The following GNPAT variants were observed in gnomAD, a reference collection of about 807,000 sequenced individuals.
GNPAT encodes the protein glyceronephosphate O-acyltransferase.
In GNPAT, 30 loss-of-function variants were observed where a neutral mutation model predicts 78.4. That is an observed-to-expected ratio of 0.38 (90% CI 0.29 to 0.52). The LOEUF is 0.52. Ranked by LOEUF, GNPAT falls within the 20% of genes least tolerant of loss-of-function variation. GNPAT has a pLI of 0.84. For missense variants in GNPAT, 714 were observed against 812.2 expected (o/e 0.88, Z 1.47); for synonymous variants, 271 against 281.1 (o/e 0.96, Z 0.36).
intron 2 of GNPAT, among the ~76,000 whole-genome samples, chr1:231,251,988 T>TAG (rs1392569238): frequency 6.6e-6 from 1 of 152,162 alleles, no homozygotes; most frequent in Non-Finnish European, 1.5e-5. Context: ...GAAATAAGCC[T>TAG]AGAGAGGTAA....
At chr1:231,245,514 T>A (rs1349112174) in intron 1 of GNPAT, among the ~76,000 whole-genome samples, 2 of 152,130 alleles carry the variant, frequency 1.3e-5, no homozygotes, top group Non-Finnish European at 2.9e-5. Context: ...GCCTCCCAGA[T>A]CACTGGGATT....
At chr1:231,268,634 G>A (rs992315529) in intron 9 of GNPAT, among the ~76,000 whole-genome samples, 7 of 150,242 alleles carry the variant, frequency 4.7e-5, no homozygotes, top group South Asian at 2.1e-4. Context: ...AAGGCCGGGC[G>A]TGGTGGCTCA....
At chr1:231,263,912 T>A (rs1430918972) in intron 4 of GNPAT, among the ~76,000 whole-genome samples, 1 of 152,204 alleles carries the variant, frequency 6.6e-6, no homozygotes, top group Non-Finnish European at 1.5e-5. Context: ...TCTGTTCAAG[T>A]CCGTTATTTT....
Position 231,254,015 on chromosome 1 carries a change from G to C in GNPAT, c.261+2872G>C, listed in dbSNP as rs1290437523. 2.6e-5 allele frequency among the ~76,000 whole-genome samples: 4 copies of C among 152,264 alleles called. No homozygotes were observed. The South Asian group carries it at 6.2e-4, about 24-fold the overall frequency. On this transcript the variant is annotated intron_variant, in intron 2 of 15. Coordinates refer to ENST00000366647, the MANE Select transcript of GNPAT (RefSeq NM_014236.4). ...TTTAGTAGAGACAGGGTTTCATCAT[G>C]TTGGCCAGGCTGGTCTCAAACTCCT...
chr1:231,249,931 C>G (rs1215656426), intron 1 of GNPAT, among the ~76,000 whole-genome samples: 5 of 151,914 alleles, frequency 3.3e-5, no homozygotes, highest in African/African-American at 7.3e-5. Context: ...AGCTGAATGG[C>G]AGGGGCTGAA....
At chr1:231,264,551 C>G (rs1434199296) in intron 4 of GNPAT, among the ~76,000 whole-genome samples, 1 of 152,184 alleles carries the variant, frequency 6.6e-6, no homozygotes, top group African/African-American at 2.4e-5. Flanking sequence ...AAGGTTAAAA[C>G]TGCCAAGAAC....
chr1:231,266,039 A>T lies in GNPAT; in HGVS notation c.798A>T (p.Pro266=), dbSNP rs371142386. ...GTCTTCTGAATATTGTGATGGAGCCATTTTTTAAAAGAGAAGTTTTTGATA... is the reference window on the plus strand; with the variant it reads ...GTCTTCTGAATATTGTGATGGAGCCTTTTTTTAAAAGAGAAGTTTTTGATA... The part of the protein sequence containing the change: ...KFGLLNIVME[P]FFKREVFDTY... Residue 266 remains proline (P), a synonymous_variant, in exon 7 of 16, where the codon CCA becomes CCT. Coordinates refer to ENST00000366647, the MANE Select transcript of GNPAT (RefSeq NM_014236.4). 6.2e-7 allele frequency: 1 copy of T among 1,612,894 alleles called. No individual in the cohort carries two copies. Among genetic ancestry groups the T allele is most frequent in the Non-Finnish European group, 8.5e-7 (1 of 1,179,306 alleles).
At chr1:231,248,686 G>A (rs1684814910) in intron 1 of GNPAT, among the ~76,000 whole-genome samples, 1 of 152,172 alleles carries the variant, frequency 6.6e-6, no homozygotes, top group African/African-American at 2.4e-5. Context: ...CACACACAGA[G>A]TCACATGATG....
chr1:231,265,226 T>C (rs958782716), intron 4 of GNPAT, 67 bp from the exon 5 acceptor site: 33 of 1,087,608 alleles, frequency 3.0e-5, no homozygotes, highest in Non-Finnish European at 4.6e-5. Flanking sequence ...AAAATAAGCA[T>C]GTTTAAGTTT....
In GNPAT at chr1:231,275,200, C is replaced by T. The variant is rs1460242586; in HGVS notation, c.1744-21C>T. On this transcript the variant is annotated intron_variant, in intron 12 of 15. Coordinates refer to ENST00000366647, the MANE Select transcript of GNPAT (RefSeq NM_014236.4). ...ATCCTTTTTCTCTTTCTGTTCCCCT[C>T]ATCCTTCCTCTTAAAATCAGATAAT... The T allele has an allele frequency of 2.9e-6, 4 of 1,395,532 alleles. No individual in the cohort carries two copies. The African/African-American group carries it at 5.7e-5, about 20-fold the overall frequency. 86.4% of individuals were successfully genotyped at this position (1,395,532 alleles called of 1,614,324 possible).
At chr1:231,249,446 C>T (rs1684833359) in intron 1 of GNPAT, among the ~76,000 whole-genome samples, 1 of 152,202 alleles carries the variant, frequency 6.6e-6, no homozygotes, top group Admixed American at 6.5e-5. Context: ...ATTACCTCAA[C>T]ATTTCATCTT....
At chr1:231,276,015 G>A (rs552464348) in intron 14 of GNPAT, 120 bp from the exon 15 acceptor site, 12 of 658,716 alleles carry the variant, frequency 1.8e-5, no homozygotes, top group Middle Eastern at 2.7e-4. Flanking sequence ...GACTACTTAG[G>A]CCCAGCCTTG....
intron 1 of GNPAT, among the ~76,000 whole-genome samples, chr1:231,243,966 T>C (rs1684685547): frequency 6.6e-6 from 1 of 152,010 alleles, no homozygotes; most frequent in Non-Finnish European, 1.5e-5. Context: ...TGGAGTGTAA[T>C]GGCACAATCT....
At position 231,251,163 on chromosome 1, in the gene GNPAT, A is replaced by G. The variant is rs1185737391; in HGVS notation, c.261+20A>G. On this transcript the variant is annotated intron_variant, in intron 2 of 15. Transcript: ENST00000366647. ...AAACAGGTAAGTGATTCCCTCTTCA[A>G]CCATGGCCAGATTTGTTCATTGTCA... The G allele has an allele frequency of 6.9e-7, 1 of 1,454,594 alleles. No homozygotes were observed. Among genetic ancestry groups the G allele is most frequent in the African/African-American group, 1.4e-5 (1 of 71,050 alleles). The allele number at this position is 1,454,594 out of a possible 1,614,324, so 90.1% of individuals were successfully genotyped here.
intron 9 of GNPAT, among the ~76,000 whole-genome samples, chr1:231,268,662 C>T (rs1416397184): frequency 6.7e-6 from 1 of 150,012 alleles, no homozygotes; most frequent in Admixed American, 6.6e-5. Context: ...AATCCCAGCA[C>T]TTTGGGAGGC....
intron 1 of GNPAT, among the ~76,000 whole-genome samples, 161 bp from the exon 2 acceptor site, chr1:231,250,800 C>T (rs1299225961): frequency 6.6e-6 from 1 of 152,130 alleles, no homozygotes; most frequent in Non-Finnish European, 1.5e-5. Flanking sequence ...TTCTTTACAT[C>T]TCTTTTTTTT....
chr1:231,252,881 C>T (rs1684939322), intron 2 of GNPAT, among the ~76,000 whole-genome samples: 1 of 151,796 alleles, frequency 6.6e-6, no homozygotes, highest in South Asian at 2.1e-4. Flanking sequence ...TTGTGGCTCA[C>T]TCTCGTCTTC....
chr1:231,266,996 T>G (rs1685407405), intron 8 of GNPAT, among the ~76,000 whole-genome samples: 1 of 152,246 alleles, frequency 6.6e-6, no homozygotes, highest in Non-Finnish European at 1.5e-5. Context: ...ATCTGTAGCT[T>G]TAGCAGTTTC....
rs1336777125 is a variant in GNPAT at position 231,274,982 on chromosome 1, A to T, written c.1744-239A>T. 6.7e-6 allele frequency: 3 copies of T among 449,880 alleles called. No homozygotes were observed. The East Asian group carries it at 1.3e-4, about 20-fold the overall frequency. 27.9% of individuals were successfully genotyped at this position (449,880 alleles called of 1,614,324 possible). A position where few individuals can be genotyped will look rare whatever the true frequency, so the allele number is the denominator to read the frequency against. On this transcript the variant is annotated intron_variant, in intron 12 of 15. Coordinates refer to ENST00000366647, the MANE Select transcript of GNPAT (RefSeq NM_014236.4). ...CTTGTACCCCTTGAAGTGAGAAATT[A>T]TACTTTAATAAATGTCATTATTATT...
Sources: gnomAD v4.1 joint callset for allele counts (sites outside exome capture counted in the v4.1 genomes callset) on GRCh38, gnomAD v4.1.1 for gene constraint, MANE v1.5 for transcripts, NCBI Gene and HGNC (gene_info 2026-07-23, HGNC 2026-07-21) for gene names.